RBFOX1: variants seen among roughly 807,000 people sequenced by gnomAD.
RBFOX1 encodes the protein RNA binding fox-1 homolog 1, also known as RNA binding protein fox-1 homolog 1.
A neutral mutation model predicts 57.7 loss-of-function variants in RBFOX1; 8 were observed. That is an observed-to-expected ratio of 0.14 (90% CI 0.08 to 0.25). The LOEUF (loss-of-function observed/expected upper bound fraction) is 0.25, where lower values mean the gene tolerates loss of function less well. RBFOX1 is among the 10% of genes least tolerant of loss of function. The pLI, the probability that RBFOX1 is intolerant of heterozygous loss-of-function variation, is 1.00. For synonymous variants in RBFOX1, 326 were observed against 222.4 expected (o/e 1.47, Z -4.15); for missense variants, 611 against 548.5 (o/e 1.11, Z -1.14).
chr16:6,371,948 T>A (rs2090486679), intron 2 of RBFOX1, among the ~76,000 whole-genome samples: 1 of 152,178 alleles, frequency 6.6e-6, no homozygotes, highest in Admixed American at 6.5e-5. Flanking sequence ...GACTTCATAT[T>A]TTTTGTCATC....
chr16:7,337,573 C>G (rs1454565089), intron 4 of RBFOX1, among the ~76,000 whole-genome samples: 1 of 152,188 alleles, frequency 6.6e-6, no homozygotes, highest in Non-Finnish European at 1.5e-5. Context: ...TGGGAGGAAT[C>G]TCAACAATGG....
intron 1 of RBFOX1, among the ~76,000 whole-genome samples, chr16:5,282,925 C>G: frequency 6.6e-6 from 1 of 152,312 alleles, no homozygotes; most frequent in South Asian, 2.1e-4. Flanking sequence ...GGGCATGTCA[C>G]AGGTCTTCAT....
chr16:7,609,949 C>T (rs1375357667), intron 10 of RBFOX1, among the ~76,000 whole-genome samples: 4 of 149,234 alleles, frequency 2.7e-5, no homozygotes, highest in East Asian at 2.0e-4. Flanking sequence ...TCCTGAGTAG[C>T]TGGGACTACA....
At chr16:6,698,826 T>G (rs111432252) in intron 3 of RBFOX1, among the ~76,000 whole-genome samples, 1 of 151,462 alleles carries the variant, frequency 6.6e-6, no homozygotes, top group East Asian at 1.9e-4. Context: ...TATAGTGATA[T>G]GGAATTCCAT....
intron 2 of RBFOX1, among the ~76,000 whole-genome samples, chr16:6,455,236 G>A (rs569658763): frequency 6.6e-6 from 1 of 152,060 alleles, no homozygotes; most frequent in African/African-American, 2.4e-5. Flanking sequence ...AGGAAGAAAA[G>A]ATTTTTACCC....
intron 4 of RBFOX1, among the ~76,000 whole-genome samples, chr16:7,479,070 G>A (rs1343643315): frequency 6.6e-6 from 1 of 151,568 alleles, no homozygotes; most frequent in African/African-American, 2.4e-5. Flanking sequence ...TCATAGGCAG[G>A]AATGCACTCA....
chr16:7,563,739 A>T (rs1427680932), intron 5 of RBFOX1, among the ~76,000 whole-genome samples: 1 of 152,134 alleles, frequency 6.6e-6, no homozygotes, highest in African/African-American at 2.4e-5. Flanking sequence ...AAGTGCTGGG[A>T]TTACAGGGCT....
intron 2 of RBFOX1, among the ~76,000 whole-genome samples, chr16:6,441,416 T>C (rs1052402011): frequency 6.6e-6 from 1 of 152,108 alleles, no homozygotes; most frequent in African/African-American, 2.4e-5. Context: ...TTGTTTTGTT[T>C]TGTTTTTTCT....
intron 10 of RBFOX1, among the ~76,000 whole-genome samples, chr16:7,625,380 C>T (rs2059930413): frequency 6.6e-6 from 1 of 152,112 alleles, no homozygotes; most frequent in Non-Finnish European, 1.5e-5. Context: ...TTTCTTATTA[C>T]AGGAAAATTT....
At chr16:5,379,920 G>T (rs1012039635) in intron 1 of RBFOX1, among the ~76,000 whole-genome samples, 6 of 152,180 alleles carry the variant, frequency 3.9e-5, no homozygotes, top group African/African-American at 1.4e-4. Context: ...TGGCCCCCTT[G>T]CTGGAGAGAA....
At position 7,560,002 on chromosome 16, in the gene RBFOX1, A is replaced by G. The variant is rs559813333; in HGVS notation, c.271-19775A>G. 3.3e-5 allele frequency among the ~76,000 whole-genome samples: 5 copies of G among 152,340 alleles called. No homozygotes were observed. In the East Asian group the frequency reaches 9.6e-4, roughly 29 times the overall value. ...AATGGATCCTATTTGTCACCTGTGA[A>G]GGTTATTTTAAAAGATTTATCTTGA... On this transcript the variant is annotated intron_variant, in intron 5 of 15. Transcript: ENST00000550418.
intron 3 of RBFOX1, among the ~76,000 whole-genome samples, chr16:6,970,961 C>A (rs1449913401): frequency 6.6e-6 from 1 of 152,170 alleles, no homozygotes; most frequent in African/African-American, 2.4e-5. Flanking sequence ...TGCATACCTA[C>A]CCATTTCCTC....
At chr16:7,052,904 T>G (rs1332877520) in intron 4 of RBFOX1, among the ~76,000 whole-genome samples, 1 of 152,242 alleles carries the variant, frequency 6.6e-6, no homozygotes, top group African/African-American at 2.4e-5. Flanking sequence ...TGGCAGTTTT[T>G]ACTGGACAAT....
chr16:6,720,999 T>C (rs1484420164), intron 3 of RBFOX1, among the ~76,000 whole-genome samples: 1 of 152,170 alleles, frequency 6.6e-6, no homozygotes, highest in Admixed American at 6.5e-5. Flanking sequence ...AGGGCTAAGA[T>C]GAGGTCACGA....
intron 12 of RBFOX1, among the ~76,000 whole-genome samples, chr16:7,663,831 C>G (rs190555735): frequency 6.6e-6 from 1 of 152,286 alleles, no homozygotes; most frequent in East Asian, 1.9e-4. Flanking sequence ...ACATATGATT[C>G]TCGTTAAACT....
chr16:5,347,096 A>G (rs753719684), intron 1 of RBFOX1, among the ~76,000 whole-genome samples: 5 of 151,760 alleles, frequency 3.3e-5, no homozygotes, highest in African/African-American at 1.2e-4. Flanking sequence ...TGGCTGCTCT[A>G]TTGACAATCC....
At chr16:7,693,480 A>G (rs1393893815) in intron 14 of RBFOX1, 3 of 361,786 alleles carry the variant, frequency 8.3e-6, no homozygotes, top group South Asian at 5.1e-5. Flanking sequence ...TTTAGTTAAG[A>G]AAAAAAAAAA....
intron 4 of RBFOX1, among the ~76,000 whole-genome samples, chr16:7,164,708 C>T (rs1194137271): frequency 3.3e-5 from 5 of 152,186 alleles, no homozygotes; most frequent in African/African-American, 1.2e-4. Context: ...ATTCAGTTTT[C>T]CCCTACCTCA....
At chr16:6,531,029 C>T (rs959643654) in intron 2 of RBFOX1, among the ~76,000 whole-genome samples, 3 of 152,206 alleles carry the variant, frequency 2.0e-5, no homozygotes, top group African/African-American at 7.2e-5. Context: ...CCCCACCTTG[C>T]AGGTGAGCCT....
Sources: allele counts gnomAD v4.1 joint callset (sites outside exome capture counted in the v4.1 genomes callset), GRCh38; gene constraint gnomAD v4.1.1; transcripts MANE v1.5; gene names NCBI Gene and HGNC (gene_info 2026-07-23, HGNC 2026-07-21).